JMJD1C: variants seen among roughly 807,000 people sequenced by gnomAD.
JMJD1C encodes the protein jumonji domain-containing protein 1C.
JMJD1C carries 31 observed loss-of-function variants against 245.3 expected under a neutral mutation model. The observed-to-expected ratio is 0.13, with a 90% confidence interval of 0.09 to 0.17. The LOEUF is 0.17. Ranked by LOEUF, JMJD1C falls within the 10% of genes least tolerant of loss-of-function variation. JMJD1C has a pLI of 1.00. For missense variants in JMJD1C, 2,691 were observed against 3,000.2 expected (o/e 0.90, Z 2.41); for synonymous variants, 1,057 against 1,017.4 (o/e 1.04, Z -0.74).
chr10:63,371,526 A>G (rs1046855059), intron 2 of JMJD1C, among the ~76,000 whole-genome samples: 3 of 152,116 alleles, frequency 2.0e-5, no homozygotes, highest in Non-Finnish European at 4.4e-5. Flanking sequence ...CATTTTTTTA[A>G]TCTGCAGCTC....
At chr10:63,390,461 A>G (rs1947966194) in intron 1 of JMJD1C, among the ~76,000 whole-genome samples, 1 of 152,152 alleles carries the variant, frequency 6.6e-6, no homozygotes, top group Admixed American at 6.6e-5. Flanking sequence ...GAAACAACTA[A>G]CACCACTTCT....
At chr10:63,226,273 A>G (rs541544978) in intron 3 of JMJD1C, among the ~76,000 whole-genome samples, 1 of 152,346 alleles carries the variant, frequency 6.6e-6, no homozygotes, top group African/African-American at 2.4e-5. Context: ...TTATAATCAG[A>G]AAGTGTAAAA....
intron 3 of JMJD1C, among the ~76,000 whole-genome samples, chr10:63,246,124 T>G (rs750848563): frequency 3.9e-5 from 6 of 152,216 alleles, no homozygotes; most frequent in African/African-American, 2.4e-5. Context: ...TATTGGTATT[T>G]AAGAGGAAGT....
At chr10:63,320,122 T>C (rs1484647035) in intron 2 of JMJD1C, among the ~76,000 whole-genome samples, 2 of 152,180 alleles carry the variant, frequency 1.3e-5, no homozygotes, top group African/African-American at 4.8e-5. Context: ...GCCAGGCTGG[T>C]CTTGAACTCC....
At chr10:63,388,644 AG>A (rs1236061193) in intron 1 of JMJD1C, among the ~76,000 whole-genome samples, 6 of 152,198 alleles carry the variant, frequency 3.9e-5, no homozygotes, top group East Asian at 1.9e-4. Flanking sequence ...GAAGAGAGAA[AG>A]GAACAATGAA....
At chr10:63,463,731 T>C (rs1043031368) in intron 1 of JMJD1C, among the ~76,000 whole-genome samples, 5 of 152,340 alleles carry the variant, frequency 3.3e-5, no homozygotes, top group Middle Eastern at 6.8e-3. Flanking sequence ...AAAATTTAGA[T>C]ATGGTGAAAC....
chr10:63,234,149 C>T (rs935587503), intron 3 of JMJD1C, among the ~76,000 whole-genome samples: 2 of 151,294 alleles, frequency 1.3e-5, no homozygotes, highest in African/African-American at 4.8e-5. Context: ...AAAAGGTGGA[C>T]TTAATCACTT....
intron 10 of JMJD1C, chr10:63,202,515 GT>G: frequency 1.0e-6 from 1 of 985,416 alleles, no homozygotes; most frequent in South Asian, 4.7e-5. Flanking sequence ...AAAGCACTGT[GT>G]TTAAATAAAC....
chr10:63,410,757 C>G (rs1015112526), intron 1 of JMJD1C, among the ~76,000 whole-genome samples: 4 of 152,114 alleles, frequency 2.6e-5, no homozygotes, highest in African/African-American at 9.7e-5. Flanking sequence ...CCACACTACA[C>G]TAACTGTTCC....
chr10:63,353,792 C>T (rs530496557), intron 2 of JMJD1C, among the ~76,000 whole-genome samples: 46 of 152,030 alleles, frequency 3.0e-4, no homozygotes, highest in Non-Finnish European at 6.0e-4. Flanking sequence ...AGGTGTGAGC[C>T]ACCATGCTTG....
intron 1 of JMJD1C, among the ~76,000 whole-genome samples, chr10:63,495,475 G>A (rs1433269270): frequency 6.6e-6 from 1 of 151,820 alleles, no homozygotes; most frequent in Non-Finnish European, 1.5e-5. Flanking sequence ...CAGTTCATTA[G>A]TTTGAAAATT....
chr10:63,518,469 G>GTT (rs1220573455), intron 1 of JMJD1C, among the ~76,000 whole-genome samples: 1 of 152,190 alleles, frequency 6.6e-6, no homozygotes, highest in Non-Finnish European at 1.5e-5. Context: ...AAGACTTAAA[G>GTT]AAGTAACTAG....
chr10:63,507,117 A>G (rs1954741757), intron 1 of JMJD1C, among the ~76,000 whole-genome samples: 1 of 152,174 alleles, frequency 6.6e-6, no homozygotes, highest in Non-Finnish European at 1.5e-5. Flanking sequence ...TCTAGTGCTA[A>G]TATTTCATTG....
chr10:63,213,011 C>T (rs995083544), intron 8 of JMJD1C, among the ~76,000 whole-genome samples: 2 of 151,046 alleles, frequency 1.3e-5, no homozygotes, highest in Non-Finnish European at 2.9e-5. Flanking sequence ...CATGGTAAAA[C>T]TCCGTCTCTA....
chr10:63,302,896 C>T (rs1860269221), intron 2 of JMJD1C, among the ~76,000 whole-genome samples: 1 of 152,120 alleles, frequency 6.6e-6, no homozygotes, highest in Non-Finnish European at 1.5e-5. Context: ...CTAAAGTTTA[C>T]ATACACATAT....
intron 2 of JMJD1C, 95 bp downstream of exon 2, chr10:63,380,223 T>C (rs756776497): frequency 8.3e-7 from 1 of 1,208,456 alleles, no homozygotes; most frequent in South Asian, 1.2e-5. Flanking sequence ...GTTTTACAGG[T>C]GTCAGTCACC....
intron 1 of JMJD1C, among the ~76,000 whole-genome samples, chr10:63,481,312 G>C (rs969584931): frequency 6.6e-6 from 1 of 152,026 alleles, no homozygotes; most frequent in African/African-American, 2.4e-5. Context: ...TGGAAATTAC[G>C]GTGATATTAA....
intron 2 of JMJD1C, among the ~76,000 whole-genome samples, chr10:63,265,042 C>T (rs913097780): frequency 1.3e-5 from 2 of 151,850 alleles, no homozygotes; most frequent in Non-Finnish European, 2.9e-5. Context: ...ATAAAATATG[C>T]ATGTGTGTAA....
In JMJD1C at chr10:63,353,255, A is replaced by AT. The variant is rs201986334; in HGVS notation, c.333+27062dup. Reference sequence around the variant, plus strand: ...AGAACTAGGCAGAAGAAAATACAGTATTTTTTTGTAAGAACTCAAAGAAAC... The same window carrying AT: ...AGAACTAGGCAGAAGAAAATACAGTATTTTTTTTGTAAGAACTCAAAGAAAC... On this transcript the variant is annotated intron_variant, in intron 2 of 25. Transcript: ENST00000399262. 6.6e-3 allele frequency among the ~76,000 whole-genome samples: 1,005 copies of AT among 152,262 alleles called. 13 individuals are homozygous for AT. Among genetic ancestry groups the AT allele is most frequent in the Admixed American group, 0.018 (271 of 15,290 alleles).
Sources: allele counts gnomAD v4.1 joint callset (sites outside exome capture counted in the v4.1 genomes callset), GRCh38; gene constraint gnomAD v4.1.1; transcripts MANE v1.5; gene names NCBI Gene and HGNC (gene_info 2026-07-23, HGNC 2026-07-21).